CCSER1: variants seen among roughly 807,000 people sequenced by gnomAD.
CCSER1 encodes the protein coiled-coil serine rich protein 1.
In CCSER1, 41 loss-of-function variants were observed where a neutral mutation model predicts 82.0. The observed-to-expected ratio is 0.50, with a 90% confidence interval of 0.39 to 0.65. The LOEUF is 0.65. Among genes scored for constraint, CCSER1 ranks in the 30% least tolerant of loss-of-function variants. The pLI, the probability that CCSER1 is intolerant of heterozygous loss-of-function variation, is 0.00. For missense variants in CCSER1, 1,119 were observed against 1,064.2 expected (o/e 1.05, Z -0.72); for synonymous variants, 414 against 383.9 (o/e 1.08, Z -0.92).
chr4:90,749,750 A>G (rs918653280), intron 7 of CCSER1, among the ~76,000 whole-genome samples: 4 of 152,004 alleles, frequency 2.6e-5, no homozygotes, highest in African/African-American at 9.7e-5. Flanking sequence ...CACAGTAAAC[A>G]TACGTGTGCA....
At chr4:91,281,549 G>C (rs73835112) in intron 10 of CCSER1, among the ~76,000 whole-genome samples, 1 of 152,096 alleles carries the variant, frequency 6.6e-6, no homozygotes, top group African/African-American at 2.4e-5. Flanking sequence ...TCAGGATGTC[G>C]ACCATATGAC....
At chr4:90,492,204 T>A (rs1350474984) in intron 5 of CCSER1, among the ~76,000 whole-genome samples, 3 of 152,190 alleles carry the variant, frequency 2.0e-5, no homozygotes, top group Non-Finnish European at 2.9e-5. Context: ...AGCCTGTTAT[T>A]GGTCTGTTCA....
intron 9 of CCSER1, among the ~76,000 whole-genome samples, chr4:90,958,009 G>A: frequency 6.6e-6 from 1 of 152,122 alleles, no homozygotes; most frequent in Non-Finnish European, 1.5e-5. Context: ...ACTTGAGAGA[G>A]CTTCTAGGTT....
chr4:90,777,194 T>A (rs938192927), intron 7 of CCSER1, among the ~76,000 whole-genome samples: 2 of 151,664 alleles, frequency 1.3e-5, no homozygotes, highest in Non-Finnish European at 2.9e-5. Context: ...CCATCTCTAC[T>A]AAAAATACAA....
intron 6 of CCSER1, among the ~76,000 whole-genome samples, chr4:90,654,980 T>A (rs1729451528): frequency 6.6e-6 from 1 of 152,076 alleles, no homozygotes; most frequent in Non-Finnish European, 1.5e-5. Context: ...ATTATCAAAA[T>A]ATTATTTTGC....
At chr4:90,470,579 T>C (rs1204827030) in intron 5 of CCSER1, among the ~76,000 whole-genome samples, 2 of 152,102 alleles carry the variant, frequency 1.3e-5, no homozygotes, top group African/African-American at 4.8e-5. Flanking sequence ...TCTCAAATGA[T>C]ATCATCAAGG....
intron 3 of CCSER1, among the ~76,000 whole-genome samples, chr4:90,385,267 G>A (rs1480114596): frequency 6.6e-6 from 1 of 151,614 alleles, no homozygotes; most frequent in Non-Finnish European, 1.5e-5. Flanking sequence ...TGCTGGATGG[G>A]ATGGTAGATC....
intron 8 of CCSER1, among the ~76,000 whole-genome samples, chr4:90,846,205 T>G (rs1450120474): frequency 6.6e-6 from 1 of 152,212 alleles, no homozygotes; most frequent in East Asian, 1.9e-4. Context: ...GATTGTTTGC[T>G]CACTATAAAT....
intron 1 of CCSER1, among the ~76,000 whole-genome samples, chr4:90,158,505 C>T (rs1355580583): frequency 6.6e-6 from 1 of 152,186 alleles, no homozygotes; most frequent in Non-Finnish European, 1.5e-5. Context: ...GGCAGGCAGG[C>T]CTCCTTGAGC....
intron 10 of CCSER1, among the ~76,000 whole-genome samples, chr4:91,166,356 G>T (rs910872112): frequency 3.3e-5 from 5 of 151,850 alleles, no homozygotes; most frequent in African/African-American, 1.2e-4. Flanking sequence ...CTATATACTG[G>T]TGATTAAAAA....
intron 3 of CCSER1, among the ~76,000 whole-genome samples, chr4:90,368,041 A>C (rs893979030): frequency 6.6e-6 from 1 of 151,976 alleles, no homozygotes; most frequent in African/African-American, 2.4e-5. Flanking sequence ...AATCATAAAA[A>C]CTTTAGGCAT....
intron 1 of CCSER1, among the ~76,000 whole-genome samples, chr4:90,175,685 T>A (rs1252926995): frequency 6.6e-6 from 1 of 152,052 alleles, no homozygotes; most frequent in Non-Finnish European, 1.5e-5. Context: ...GGATAATGCA[T>A]TCTCAACCTG....
Position 90,401,514 on chromosome 4 carries a change from T to A in CCSER1, c.1603+1385T>A, listed in dbSNP as rs536218469. On this transcript the variant is annotated intron_variant, in intron 4 of 10. Transcript: ENST00000509176. ...GTATCCAAATCTGCTATGGCATTAT[T>A]GTAAGGATATATTATTTGTTTTTGT... Among the ~76,000 whole-genome samples the A allele has an allele frequency of 2.0e-5, 3 of 152,256 alleles. No individual in the cohort carries two copies. The East Asian group carries it at 5.8e-4, about 29-fold the overall frequency.
At chr4:91,502,108 G>C (rs1003031346) in intron 10 of CCSER1, among the ~76,000 whole-genome samples, 2 of 152,182 alleles carry the variant, frequency 1.3e-5, no homozygotes, top group African/African-American at 2.4e-5. Flanking sequence ...ATACAGGAGT[G>C]CTAACTCCTT....
chr4:90,147,677 A>G (rs967118864), intron 1 of CCSER1, among the ~76,000 whole-genome samples: 1 of 152,210 alleles, frequency 6.6e-6, no homozygotes, highest in African/African-American at 2.4e-5. Context: ...TTTGAAAATG[A>G]TATGAATACA....
At chr4:90,505,180 T>G (rs1770508480) in intron 5 of CCSER1, among the ~76,000 whole-genome samples, 1 of 152,140 alleles carries the variant, frequency 6.6e-6, no homozygotes, top group Non-Finnish European at 1.5e-5. Context: ...AAATTGCCAG[T>G]TATTAGAAAT....
At chr4:91,568,406 T>G (rs577139787) in intron 10 of CCSER1, among the ~76,000 whole-genome samples, 1 of 150,838 alleles carries the variant, frequency 6.6e-6, no homozygotes, top group South Asian at 2.1e-4. Context: ...TAACAAGGTT[T>G]GGATATTTTT....
intron 9 of CCSER1, among the ~76,000 whole-genome samples, chr4:90,929,151 G>A (rs949658807): frequency 6.6e-6 from 1 of 151,892 alleles, no homozygotes; most frequent in Non-Finnish European, 1.5e-5. Context: ...AGACCTCATT[G>A]TATATCAGCG....
rs185100020 is a variant in CCSER1, at chr4:90,282,950, A to G, written c.-41-25294A>G. Among the ~76,000 whole-genome samples the G allele has an allele frequency of 1.6e-4, 24 of 152,126 alleles. No homozygotes were observed. The East Asian group carries it at 3.7e-3, about 23-fold the overall frequency. On this transcript the variant is annotated intron_variant, in intron 1 of 10. Coordinates refer to ENST00000509176, the MANE Select transcript of CCSER1 (RefSeq NM_001145065.2). Reference sequence around the variant, plus strand: ...GTGAGTACTAAGTGATCAAAGTCACATCAAAGCATTTGGTATAAGGAAACA... The same window carrying G: ...GTGAGTACTAAGTGATCAAAGTCACGTCAAAGCATTTGGTATAAGGAAACA...
Sources: gnomAD v4.1 joint callset for allele counts (sites outside exome capture counted in the v4.1 genomes callset) on GRCh38, gnomAD v4.1.1 for gene constraint, MANE v1.5 for transcripts, NCBI Gene and HGNC (gene_info 2026-07-23, HGNC 2026-07-21) for gene names.